UGGT1: variants seen among roughly 807,000 people sequenced by gnomAD.
The protein encoded by UGGT1 is UDP-glucose:glycoprotein glucosyltransferase 1.
A neutral mutation model predicts 203.9 loss-of-function variants in UGGT1; 107 were observed. The observed-to-expected ratio is 0.52, with a 90% CI of 0.45 to 0.62. The LOEUF (loss-of-function observed/expected upper bound fraction) is 0.62. Among genes scored for constraint, UGGT1 ranks in the 20% least tolerant of loss-of-function variants. The pLI, the probability that UGGT1 is intolerant of heterozygous loss-of-function variation, is 0.00. For missense variants in UGGT1, 1,673 were observed against 1,867.2 expected, an observed-to-expected ratio of 0.90 and a Z score of 1.92; for synonymous variants, 628 against 653.5, an observed-to-expected ratio of 0.96 and a Z score of 0.59.
Position 128,191,536 on chromosome 2 carries a change from G to GC in UGGT1, c.*1795dup, listed in dbSNP as rs1282519796. On this transcript the variant is annotated 3_prime_UTR_variant, in exon 41 of 41. Transcript: ENST00000259253. ...CCGCCCTGCCCCTCTGTTCAGAGCA[G>GC]CTGGAAAGATGGGATCAGTAAGATT... is the stretch of plus-strand genomic sequence containing the variant. The GC allele has an allele frequency of 6.6e-6, 1 of 152,304 alleles. No homozygotes were observed. Among genetic ancestry groups the GC allele is most frequent in the Non-Finnish European group, 1.5e-5 (1 of 68,126 alleles). The allele number at this position is 152,304 out of a possible 1,614,324, so 9.4% of individuals were successfully genotyped here.
intron 16 of UGGT1, among the ~76,000 whole-genome samples, chr2:128,141,678 A>T (rs531291890): frequency 3.0e-4 from 43 of 142,246 alleles, no homozygotes; most frequent in South Asian, 5.3e-4. Flanking sequence ...CTGGGATTAG[A>T]CGCCTGCCAC....
intron 27 of UGGT1, among the ~76,000 whole-genome samples, chr2:128,170,604 T>C (rs1271737869): frequency 1.3e-5 from 2 of 152,216 alleles, no homozygotes; most frequent in Non-Finnish European, 2.9e-5. Context: ...GTTGGCTGCC[T>C]CATGTAATTT....
At chr2:128,168,787 C>T (rs915970921) in intron 26 of UGGT1, among the ~76,000 whole-genome samples, 1 of 152,082 alleles carries the variant, frequency 6.6e-6, no homozygotes. Flanking sequence ...TGGCTCATGC[C>T]TGTAATCCCA....
intron 23 of UGGT1, among the ~76,000 whole-genome samples, chr2:128,160,020 G>C (rs943341039): frequency 3.3e-5 from 5 of 152,110 alleles, no homozygotes; most frequent in African/African-American, 1.2e-4. Flanking sequence ...ACCACTTATA[G>C]GTTCAAGGCT....
intron 39 of UGGT1, 94 bp from the exon 40 acceptor site, chr2:128,187,355 T>C: frequency 7.2e-7 from 1 of 1,379,634 alleles, no homozygotes; most frequent in South Asian, 1.5e-5. Flanking sequence ...ATTGTTTTCT[T>C]GTCCAGTTAG....
intron 30 of UGGT1, among the ~76,000 whole-genome samples, chr2:128,174,229 A>G (rs989844730): frequency 2.0e-5 from 3 of 151,714 alleles, no homozygotes; most frequent in African/African-American, 7.3e-5. Flanking sequence ...ACACTTATTC[A>G]TGCATCACAC....
At chr2:128,175,012 G>A in intron 31 of UGGT1, among the ~76,000 whole-genome samples, 154 bp downstream of exon 31, 1 of 152,210 alleles carries the variant, frequency 6.6e-6, no homozygotes, top group East Asian at 1.9e-4. Context: ...ATTAAATATG[G>A]AAGAATTGTT....
At chr2:128,121,059 C>A in intron 9 of UGGT1, 140 bp from the exon 10 acceptor site, 1 of 762,982 alleles carries the variant, frequency 1.3e-6, no homozygotes, top group Non-Finnish European at 2.1e-6. Flanking sequence ...GAAATTAAAT[C>A]ATGGGCACTC....
chr2:128,118,740 A>G (rs534319675), intron 8 of UGGT1, among the ~76,000 whole-genome samples: 1 of 151,760 alleles, frequency 6.6e-6, no homozygotes, highest in South Asian at 2.1e-4. Context: ...TTTGTTTGAG[A>G]CAGGCTCAGT....
At chr2:128,156,474 A>G (rs1403461630) in intron 21 of UGGT1, 59 bp downstream of exon 21, 26 of 1,354,120 alleles carry the variant, frequency 1.9e-5, no homozygotes, top group Non-Finnish European at 2.3e-5. Context: ...TTCAGTGACC[A>G]TTGTAATTTA....
chr2:128,186,930 G>A, intron 39 of UGGT1, 131 bp downstream of exon 39: 2 of 679,022 alleles, frequency 2.9e-6, no homozygotes, highest in South Asian at 2.2e-5. Flanking sequence ...CTCTGTAATT[G>A]TGTAGTTTGT....
intron 9 of UGGT1, 34 bp from the exon 10 acceptor site, chr2:128,121,165 A>T (rs1688363468): frequency 6.3e-7 from 1 of 1,597,470 alleles, no homozygotes; most frequent in Non-Finnish European, 8.6e-7. Context: ...GCATTAGATT[A>T]ATCCACTTTT....
intron 31 of UGGT1, among the ~76,000 whole-genome samples, chr2:128,176,337 C>T (rs540662437): frequency 4.5e-4 from 66 of 145,126 alleles, no homozygotes; most frequent in African/African-American, 1.5e-3. Flanking sequence ...ACTTGAACCC[C>T]GGAGGTGGAG....
rs1254843332 is a variant in UGGT1 at position 128,176,798 on chromosome 2, T to C, written c.3540-16T>C. ...GAATTGTGCCTTGTAATATTGATCTTTCTTTTCTCGCAAAGCCACGATGGC... is the reference window on the plus strand; with the variant it reads ...GAATTGTGCCTTGTAATATTGATCTCTCTTTTCTCGCAAAGCCACGATGGC... On this transcript the variant is annotated splice_polypyrimidine_tract_variant and intron_variant, in intron 31 of 40. Coordinates refer to ENST00000259253, the MANE Select transcript of UGGT1 (RefSeq NM_020120.4). 1 of 1,612,346 alleles carries C rather than the reference T, an allele frequency of 6.2e-7. No individual in the cohort carries two copies. Among genetic ancestry groups the C allele is most frequent in the Non-Finnish European group, 8.5e-7 (1 of 1,178,846 alleles).
In UGGT1 at chr2:128,124,090, C is replaced by T. The variant is rs1032786475; in HGVS notation, c.1134+844C>T. On this transcript the variant is annotated intron_variant, in intron 11 of 40. Transcript: ENST00000259253. Reference sequence around the variant, plus strand: ...CCTCCCAAGTAGCTGGGACCACAGGCGCCTGCTACCACTCCCGGCTAATTT... The same window carrying T: ...CCTCCCAAGTAGCTGGGACCACAGGTGCCTGCTACCACTCCCGGCTAATTT... Among the ~76,000 whole-genome samples, 6 of 152,106 alleles carry T rather than the reference C, an allele frequency of 3.9e-5. No homozygotes were observed. The East Asian group carries it at 7.7e-4, about 20-fold the overall frequency.
At position 128,127,368 on chromosome 2, in the gene UGGT1, A is replaced by G. The variant is rs1373723110; in HGVS notation, c.1142A>G (p.Lys381Arg). ...ATTATTAAAATTTTTCAGTATTTCA[A>G]GGGAACTTTAGGATTACAACCTGGA... is the stretch of plus-strand genomic sequence containing the variant. ...TEVEENQKYF[K>R]GTLGLQPGDS... Residue 381 changes from lysine to arginine, a missense_variant, in exon 12 of 41, where the codon AAG becomes AGG. Physicochemically the swap from Lys to Arg is conservative, Grantham distance 26. Transcript: ENST00000259253. 4 of 1,610,760 alleles carry G rather than the reference A, an allele frequency of 2.5e-6. No homozygotes were observed. Among genetic ancestry groups the G allele is most frequent in the Admixed American group, 3.4e-5 (2 of 59,550 alleles).
At chr2:128,109,545 A>G in intron 4 of UGGT1, 89 bp from the exon 5 acceptor site, 1 of 1,087,654 alleles carries the variant, frequency 9.2e-7, no homozygotes, top group Non-Finnish European at 1.4e-6. Context: ...TTGTTTTGTC[A>G]TAATTTAATC....
At position 128,171,199 on chromosome 2, in the gene UGGT1, T is replaced by C. The variant is rs1227592957; in HGVS notation, c.3025-6T>C. ...TAAATATTTTGTCATCTGGTTTTCCTTCTAGGTTTTGGCTCAGCTGATAAA... is the reference window on the plus strand; with the variant it reads ...TAAATATTTTGTCATCTGGTTTTCCCTCTAGGTTTTGGCTCAGCTGATAAA... On this transcript the variant is annotated splice_polypyrimidine_tract_variant and splice_region_variant and intron_variant, in intron 27 of 40. Transcript: ENST00000259253. The C allele has an allele frequency of 1.6e-5, 26 of 1,605,934 alleles. No individual in the cohort carries two copies. Among genetic ancestry groups the C allele is most frequent in the Non-Finnish European group, 2.2e-5 (26 of 1,177,940 alleles).
rs374850431 is a variant in UGGT1 at position 128,111,703 on chromosome 2, G to T, written c.522-1381G>T. ...GTAGAGACGGGGTTTCACTGTGTTA[G>T]CCAGGATAGTCTTGATCTCCTGACC... On this transcript the variant is annotated intron_variant, in intron 5 of 40. Coordinates refer to ENST00000259253, the MANE Select transcript of UGGT1 (RefSeq NM_020120.4). 4.6e-5 allele frequency among the ~76,000 whole-genome samples: 7 copies of T among 151,860 alleles called. No individual in the cohort carries two copies. The East Asian group carries it at 7.8e-4, about 17-fold the overall frequency.
Sources: gnomAD v4.1 joint callset for allele counts (sites outside exome capture counted in the v4.1 genomes callset) on GRCh38, gnomAD v4.1.1 for gene constraint, MANE v1.5 for transcripts, NCBI Gene and HGNC (gene_info 2026-07-23, HGNC 2026-07-21) for gene names.